MGAT5: variants seen among roughly 807,000 people sequenced by gnomAD.
MGAT5 encodes alpha-1,6-mannosylglycoprotein 6-beta-N-acetylglucosaminyltransferase.
Under a neutral mutation model 94.3 loss-of-function variants are expected in MGAT5, and 30 were observed. The observed-to-expected ratio is 0.32, with a 90% CI of 0.24 to 0.43. The LOEUF is 0.43. MGAT5 is among the 20% of genes least tolerant of loss of function. MGAT5 has a pLI of 1.00. For synonymous variants in MGAT5, 310 were observed against 322.9 expected (o/e 0.96, Z 0.43); for missense variants, 691 against 905.5 (o/e 0.76, Z 3.04).
chr2:134,442,909 T>C (rs1685564998), intron 15 of MGAT5, among the ~76,000 whole-genome samples: 1 of 150,628 alleles, frequency 6.6e-6, no homozygotes, highest in South Asian at 2.2e-4. Context: ...ATATTCGATC[T>C]AGCAGGTGTA....
chr2:134,281,129 T>C (rs1432776378), intron 2 of MGAT5, among the ~76,000 whole-genome samples: 2 of 152,198 alleles, frequency 1.3e-5, no homozygotes, highest in Non-Finnish European at 2.9e-5. Flanking sequence ...ATTCATGCTC[T>C]GTGCAATGGC....
chr2:134,204,003 G>C (rs555074983), intron 1 of MGAT5, among the ~76,000 whole-genome samples: 1 of 152,240 alleles, frequency 6.6e-6, no homozygotes, highest in East Asian at 1.9e-4. Context: ...ATCATACATG[G>C]GCAAAGAGAA....
At chr2:134,303,690 C>T (rs866386223) in intron 2 of MGAT5, among the ~76,000 whole-genome samples, 1 of 152,174 alleles carries the variant, frequency 6.6e-6, no homozygotes, top group Non-Finnish European at 1.5e-5. Context: ...GAGCCTCCCT[C>T]ACAAATGCTT....
At chr2:134,190,445 T>A (rs996136612) in intron 1 of MGAT5, among the ~76,000 whole-genome samples, 1 of 152,228 alleles carries the variant, frequency 6.6e-6, no homozygotes, top group African/African-American at 2.4e-5. Flanking sequence ...AAAGATTGAA[T>A]GTTCCCGGGA....
chr2:134,235,583 C>T (rs978801471), intron 1 of MGAT5, among the ~76,000 whole-genome samples: 1 of 151,902 alleles, frequency 6.6e-6, no homozygotes, highest in African/African-American at 2.4e-5. Context: ...AACTGAACAC[C>T]CTGGGAAAAA....
At chr2:134,167,452 C>T (rs1533635) in intron 1 of MGAT5, among the ~76,000 whole-genome samples, 25,830 of 152,146 alleles carry the variant, frequency 0.17, 2,382 homozygotes, top group South Asian at 0.23. Flanking sequence ...GTTAAAACAG[C>T]GCTGGCCCCA....
At chr2:134,238,178 T>C (rs1403701559) in intron 1 of MGAT5, among the ~76,000 whole-genome samples, 1 of 152,230 alleles carries the variant, frequency 6.6e-6, no homozygotes, top group Non-Finnish European at 1.5e-5. Flanking sequence ...ATGCCCAGTC[T>C]ACAACAGCTG....
chr2:134,217,277 T>C (rs1038333240), intron 1 of MGAT5, among the ~76,000 whole-genome samples: 1 of 98,600 alleles, frequency 1.0e-5, no homozygotes, highest in African/African-American at 4.9e-5. Context: ...GTGTAAAATA[T>C]ACCAAATGTG....
intron 9 of MGAT5, among the ~76,000 whole-genome samples, chr2:134,350,258 G>A (rs1679297655): frequency 6.6e-6 from 1 of 152,120 alleles, no homozygotes; most frequent in African/African-American, 2.4e-5. Flanking sequence ...CACATTTTAT[G>A]CCACATGGAT....
At chr2:134,150,103 C>T (rs775141383) in intron 1 of MGAT5, among the ~76,000 whole-genome samples, 1 of 152,058 alleles carries the variant, frequency 6.6e-6, no homozygotes. Context: ...GGGGTGAGGC[C>T]AAGAGAATCA....
chr2:134,276,914 C>T (rs1052551224), intron 2 of MGAT5, among the ~76,000 whole-genome samples: 1 of 152,042 alleles, frequency 6.6e-6, no homozygotes, highest in African/African-American at 2.4e-5. Flanking sequence ...TGGGACAGGG[C>T]AAGGGAGAAT....
intron 11 of MGAT5, among the ~76,000 whole-genome samples, chr2:134,412,501 T>C (rs1683726975): frequency 6.6e-6 from 1 of 152,092 alleles, no homozygotes; most frequent in Non-Finnish European, 1.5e-5. Flanking sequence ...GTTTTTCCAG[T>C]CATGTCTCCT....
At chr2:134,396,309 G>A (rs1480968706) in intron 10 of MGAT5, among the ~76,000 whole-genome samples, 1 of 152,134 alleles carries the variant, frequency 6.6e-6, no homozygotes, top group Non-Finnish European at 1.5e-5. Context: ...CGGCTACACT[G>A]CTGAAATTCA....
intron 13 of MGAT5, among the ~76,000 whole-genome samples, chr2:134,424,873 T>C (rs1221306446): frequency 6.6e-6 from 1 of 152,242 alleles, no homozygotes; most frequent in Non-Finnish European, 1.5e-5. Context: ...ATGGCTTCTC[T>C]CTGTATGTAT....
At position 134,201,463 on chromosome 2, in the gene MGAT5, A is replaced by G. The variant is rs376984980; in HGVS notation, c.-142-52799A>G. On this transcript the variant is annotated intron_variant, in intron 1 of 16. Coordinates refer to the MGAT5 transcript ENST00000409645. ...TGACATTAGGGAACCAGTAGATGGGAGGGAAGATGGGATAATGGGGGTGTG... is the reference window on the plus strand; with the variant it reads ...TGACATTAGGGAACCAGTAGATGGGGGGGAAGATGGGATAATGGGGGTGTG... Among the ~76,000 whole-genome samples the G allele has an allele frequency of 1.4e-4, 21 of 152,122 alleles. No individual in the cohort carries two copies. In the East Asian group the frequency reaches 3.7e-3, roughly 27 times the overall value.
intron 10 of MGAT5, among the ~76,000 whole-genome samples, chr2:134,387,738 G>C (rs544245765): frequency 9.2e-5 from 14 of 152,194 alleles, no homozygotes; most frequent in Non-Finnish European, 1.6e-4. Flanking sequence ...CAGCACAAAA[G>C]AGTTTGGTGA....
chr2:134,257,836 C>CCTTTTTTTTTT lies in MGAT5; in HGVS notation c.241+3192_241+3193insCTTTTTTTTTT, dbSNP rs781189819. Among the ~76,000 whole-genome samples the CCTTTTTTTTTT allele has an allele frequency of 1.0e-3, 108 of 106,408 alleles. 19 individuals are homozygous for CCTTTTTTTTTT. The highest frequency in any genetic ancestry group is 1.9e-3 in the Admixed American group (18 of 9,606). 69.8% of individuals were successfully genotyped at this position (106,408 alleles called of 152,430 possible). ...TGCATAGGCCATTAGTTTGCAGTCT[C>CCTTTTTTTTTT]TTTTTTTTTTTTTTTTTTTGCCATA... On this transcript the variant is annotated intron_variant, in intron 1 of 15. Coordinates refer to ENST00000281923, the MANE Select transcript of MGAT5 (RefSeq NM_002410.5).
rs1277966650 is a variant in MGAT5 at position 134,254,175 on chromosome 2, A to C, written c.-229A>C. 1 of 591,322 alleles carries C rather than the reference A, an allele frequency of 1.7e-6. No individual in the cohort carries two copies. Among genetic ancestry groups the C allele is most frequent in the Non-Finnish European group, 3.0e-6 (1 of 333,608 alleles). The allele number at this position is 591,322 out of a possible 1,614,324, so 36.6% of individuals were successfully genotyped here. A position where few individuals can be genotyped will look rare whatever the true frequency, so the allele number is the denominator to read the frequency against. On this transcript the variant is annotated 5_prime_UTR_variant, in exon 1 of 16. Transcript: ENST00000281923. The stretch of plus-strand genomic sequence containing the variant: ...AAATTTAAGAGTTGACATTTTACTT[A>C]GAGGTATTCAAGTGAAAACATGGCT...
chr2:134,299,376 C>G (rs1685882585), intron 2 of MGAT5, among the ~76,000 whole-genome samples: 4 of 152,172 alleles, frequency 2.6e-5, no homozygotes, highest in Admixed American at 2.0e-4. Context: ...CCTGGAAGTA[C>G]CTGTGCGAGC....
Sources: gnomAD v4.1 joint callset for allele counts (sites outside exome capture counted in the v4.1 genomes callset) on GRCh38, gnomAD v4.1.1 for gene constraint, MANE v1.5 for transcripts, NCBI Gene and HGNC (gene_info 2026-07-23, HGNC 2026-07-21) for gene names.